NUMB: variants seen among roughly 807,000 people sequenced by gnomAD.
The protein encoded by NUMB is protein numb homolog.
Under a neutral mutation model 59.7 loss-of-function variants are expected in NUMB, and 29 were observed. That is an observed-to-expected ratio of 0.49 (90% CI 0.36 to 0.66). NUMB has a LOEUF of 0.66. Ranked by LOEUF, NUMB falls within the 30% of genes least tolerant of loss-of-function variation. The pLI is 0.00. For synonymous variants in NUMB, 288 were observed against 288.2 expected (o/e 1.00, Z 0.01); for missense variants, 723 against 822.0 (o/e 0.88, Z 1.47).
At chr14:73,321,307 AGTC>A (rs1891390487) in intron 5 of NUMB, among the ~76,000 whole-genome samples, 1 of 152,188 alleles carries the variant, frequency 6.6e-6, no homozygotes, top group Admixed American at 6.5e-5. Flanking sequence ...AGGGCTATCT[AGTC>A]TGTTCACTGT....
intron 2 of NUMB, among the ~76,000 whole-genome samples, chr14:73,398,415 A>AGAGTGTGTGTGTGT (rs1438462148): frequency 3.4e-5 from 4 of 118,878 alleles, no homozygotes; most frequent in African/African-American, 6.6e-5. Context: ...AGAGAGAGAG[A>AGAGTGTGTGTGTGT]GTGTGTGTGT....
chr14:73,403,130 G>T (rs1896495331), intron 2 of NUMB, among the ~76,000 whole-genome samples: 1 of 152,176 alleles, frequency 6.6e-6, no homozygotes, highest in South Asian at 2.1e-4. Context: ...TCACTAATAA[G>T]AAAGCTTTTC....
At chr14:73,345,862 C>T (rs1009875250) in intron 4 of NUMB, among the ~76,000 whole-genome samples, 1 of 151,748 alleles carries the variant, frequency 6.6e-6, no homozygotes, top group Non-Finnish European at 1.5e-5. Context: ...GAGCCGAGAT[C>T]GCACCAGTGT....
intron 1 of NUMB, among the ~76,000 whole-genome samples, chr14:73,436,704 G>A (rs1185483347): frequency 6.6e-6 from 1 of 152,000 alleles, no homozygotes; most frequent in Non-Finnish European, 1.5e-5. Flanking sequence ...CTCTTGGCCG[G>A]GCGCGGTGGC....
At position 73,300,001 on chromosome 14, in the gene NUMB, C is replaced by T. The variant is rs112001420; in HGVS notation, c.235-2716G>A. Reference sequence around the variant, plus strand: ...TGTTAAAAGGATTAGATATTATATACAGTACCTGGAATTTAAATAGGGTAA... The same window carrying T: ...TGTTAAAAGGATTAGATATTATATATAGTACCTGGAATTTAAATAGGGTAA... On this transcript the variant is annotated intron_variant, in intron 6 of 12. Transcript: ENST00000555238. Among the ~76,000 whole-genome samples, 696 of 152,218 alleles carry T rather than the reference C, an allele frequency of 4.6e-3. 4 individuals are homozygous for T. Among genetic ancestry groups the T allele is most frequent in the African/African-American group, 0.016 (674 of 41,536 alleles).
chr14:73,404,070 C>A (rs1322557351), intron 2 of NUMB, among the ~76,000 whole-genome samples: 1 of 142,272 alleles, frequency 7.0e-6, no homozygotes, highest in African/African-American at 2.6e-5. Flanking sequence ...GAGCAAGACT[C>A]CGTCTGAAAA....
intron 4 of NUMB, among the ~76,000 whole-genome samples, chr14:73,344,692 T>C (rs1310131356): frequency 1.3e-5 from 2 of 152,192 alleles, no homozygotes; most frequent in African/African-American, 4.8e-5. Context: ...GTTAAAATAA[T>C]GAGACCAAAT....
chr14:73,392,854 T>A (rs947503737), intron 2 of NUMB, among the ~76,000 whole-genome samples: 1 of 127,268 alleles, frequency 7.9e-6, no homozygotes, highest in Non-Finnish European at 1.6e-5. Context: ...CTACCAAGGG[T>A]AAGAGGATCC....
chr14:73,311,434 A>C (rs906235986), intron 6 of NUMB, among the ~76,000 whole-genome samples: 9 of 152,132 alleles, frequency 5.9e-5, no homozygotes, highest in Non-Finnish European at 1.0e-4. Flanking sequence ...AATGTTTGTA[A>C]GCTTACAATG....
intron 4 of NUMB, among the ~76,000 whole-genome samples, chr14:73,335,038 T>G (rs1892226535): frequency 1.3e-5 from 2 of 152,018 alleles, no homozygotes; most frequent in Non-Finnish European, 2.9e-5. Context: ...CTCCCCACTT[T>G]CTTATCTGTA....
intron 1 of NUMB, among the ~76,000 whole-genome samples, chr14:73,441,065 G>A (rs1464190479): frequency 6.6e-6 from 1 of 151,734 alleles, no homozygotes; most frequent in Non-Finnish European, 1.5e-5. Context: ...TGTCTGACAA[G>A]GAACTTATAT....
intron 4 of NUMB, among the ~76,000 whole-genome samples, chr14:73,353,143 G>A (rs771066526): frequency 7.9e-6 from 1 of 126,684 alleles, no homozygotes; most frequent in African/African-American, 3.0e-5. Context: ...GGAGTGCAAT[G>A]GTGTGATCTG....
chr14:73,451,800 T>G (rs1444996708), intron 1 of NUMB, among the ~76,000 whole-genome samples: 1 of 152,220 alleles, frequency 6.6e-6, no homozygotes, highest in East Asian at 1.9e-4. Context: ...CAGCTTTGCC[T>G]TTATTCAGAG....
chr14:73,435,573 C>T (rs1285931145), intron 1 of NUMB, among the ~76,000 whole-genome samples: 30 of 151,708 alleles, frequency 2.0e-4, no homozygotes, highest in Admixed American at 1.8e-3. Context: ...TGCACCCAGC[C>T]GGCAATTTCT....
chr14:73,388,960 G>A (rs894718190), intron 2 of NUMB, among the ~76,000 whole-genome samples: 24 of 152,166 alleles, frequency 1.6e-4, no homozygotes, highest in African/African-American at 5.8e-4. Flanking sequence ...TTAGCAGGGC[G>A]TGGTGGCGGG....
At chr14:73,432,246 G>C (rs770169493) in intron 1 of NUMB, among the ~76,000 whole-genome samples, 29 of 152,102 alleles carry the variant, frequency 1.9e-4, no homozygotes, top group Admixed American at 9.8e-4. Context: ...AACAAAGTTT[G>C]GGGAGGATGA....
chr14:73,363,615 A>G (rs1163090181), intron 3 of NUMB, among the ~76,000 whole-genome samples: 1 of 152,176 alleles, frequency 6.6e-6, no homozygotes, highest in Non-Finnish European at 1.5e-5. Flanking sequence ...AGAAATTAAA[A>G]TTATGGGCCA....
intron 3 of NUMB, among the ~76,000 whole-genome samples, chr14:73,365,661 C>A (rs1220357331): frequency 6.6e-6 from 1 of 152,084 alleles, no homozygotes; most frequent in Non-Finnish European, 1.5e-5. Flanking sequence ...GGGGTTCATA[C>A]AAGGCAGGTC....
chr14:73,451,019 T>C (rs544412847), intron 1 of NUMB, among the ~76,000 whole-genome samples: 24 of 151,322 alleles, frequency 1.6e-4, no homozygotes, highest in South Asian at 4.2e-4. Context: ...CTGGGCATGC[T>C]AGTTGGCACC....
Sources: gnomAD v4.1 joint callset for allele counts (sites outside exome capture counted in the v4.1 genomes callset) on GRCh38, gnomAD v4.1.1 for gene constraint, MANE v1.5 for transcripts, NCBI Gene and HGNC (gene_info 2026-07-23, HGNC 2026-07-21) for gene names.